Variants in RPS6KC1 observed in about 807,000 individuals in gnomAD.
The protein encoded by RPS6KC1 is ribosomal protein S6 kinase C1.
In RPS6KC1, 54 loss-of-function variants were observed where a neutral mutation model predicts 103.8. That is an observed-to-expected ratio of 0.52 (90% CI 0.42 to 0.65). The LOEUF is 0.65. Among genes scored for constraint, RPS6KC1 ranks in the 30% least tolerant of loss-of-function variants. The pLI is 0.00. For missense variants in RPS6KC1, 1,151 were observed against 1,253.8 expected (o/e 0.92, Z 1.24); for synonymous variants, 439 against 438.7 (o/e 1.00, Z -0.01).
At chr1:213,689,449 A>G in the RPS6KC1 span, among the ~76,000 whole-genome samples, 527 of 152,326 alleles carry the variant, frequency 3.5e-3, 4 homozygotes, top group African/African-American at 0.012. Flanking sequence ...CATATGATCA[A>G]GAGCAATACT....
At chr1:213,833,222 C>G in the RPS6KC1 span, among the ~76,000 whole-genome samples, 1 of 152,200 alleles carries the variant, frequency 6.6e-6, no homozygotes, top group African/African-American at 2.4e-5. Context: ...GGCAACACAG[C>G]AGACCTTCCT....
chr1:213,287,460 T>C, the RPS6KC1 span, among the ~76,000 whole-genome samples: 1 of 152,238 alleles, frequency 6.6e-6, no homozygotes, highest in African/African-American at 2.4e-5. Flanking sequence ...GCCTAGGATG[T>C]AGCAAGTGCC....
chr1:213,246,736 C>A (rs2094460248), intron 12 of RPS6KC1, among the ~76,000 whole-genome samples: 1 of 151,304 alleles, frequency 6.6e-6, no homozygotes, highest in Non-Finnish European at 1.5e-5. Context: ...GAAAATAGAA[C>A]CTGTACTACT....
At chr1:213,333,002 CTCT>C in the RPS6KC1 span, among the ~76,000 whole-genome samples, 2 of 152,164 alleles carry the variant, frequency 1.3e-5, no homozygotes, top group Non-Finnish European at 2.9e-5. Context: ...CTCACCAGGT[CTCT>C]TCTTGTTTGT....
At chr1:213,388,896 A>T in the RPS6KC1 span, among the ~76,000 whole-genome samples, 9 of 152,228 alleles carry the variant, frequency 5.9e-5, no homozygotes, top group African/African-American at 1.7e-4. Context: ...CTTCTTTCAG[A>T]TGAGGCCTGA....
the RPS6KC1 span, among the ~76,000 whole-genome samples, chr1:213,607,785 T>A: frequency 6.6e-6 from 1 of 151,462 alleles, no homozygotes; most frequent in Admixed American, 6.6e-5. Flanking sequence ...AAGTGTTGAG[T>A]GCGTGTTGGG....
the RPS6KC1 span, among the ~76,000 whole-genome samples, chr1:213,347,413 G>A: frequency 6.6e-6 from 1 of 152,180 alleles, no homozygotes; most frequent in East Asian, 1.9e-4. Flanking sequence ...ATATTACAAT[G>A]TATGGATTGG....
the RPS6KC1 span, among the ~76,000 whole-genome samples, chr1:213,621,037 G>A: frequency 6.6e-6 from 1 of 152,144 alleles, no homozygotes; most frequent in Non-Finnish European, 1.5e-5. Flanking sequence ...TCTTCTTTCT[G>A]TGTCCAGTAA....
chr1:213,611,878 C>T, the RPS6KC1 span, among the ~76,000 whole-genome samples: 2 of 152,160 alleles, frequency 1.3e-5, no homozygotes, highest in South Asian at 2.1e-4. Flanking sequence ...GGGAAGGTGG[C>T]CAATGGCATT....
At chr1:213,491,927 C>A in the RPS6KC1 span, among the ~76,000 whole-genome samples, 21 of 152,106 alleles carry the variant, frequency 1.4e-4, no homozygotes, top group African/African-American at 4.8e-4. Context: ...AATGGAAACA[C>A]TATATATAAA....
chr1:213,327,438 A>T, the RPS6KC1 span, among the ~76,000 whole-genome samples: 2 of 152,218 alleles, frequency 1.3e-5, no homozygotes, highest in Non-Finnish European at 2.9e-5. Context: ...GCACTTTGGC[A>T]TGTGCCTCCA....
intron 2 of RPS6KC1, among the ~76,000 whole-genome samples, chr1:213,074,983 C>T (rs1006734698): frequency 4.7e-5 from 7 of 149,396 alleles, no homozygotes; most frequent in African/African-American, 1.7e-4. Flanking sequence ...CTCCCTAGTG[C>T]TGGGACTTCA....
the RPS6KC1 span, among the ~76,000 whole-genome samples, chr1:213,601,382 T>TTA: frequency 2.7e-5 from 4 of 147,616 alleles, no homozygotes; most frequent in African/African-American, 9.8e-5. Flanking sequence ...TTTAAATATA[T>TTA]TATATATTTA....
chr1:213,491,001 T>C, the RPS6KC1 span, among the ~76,000 whole-genome samples: 4 of 152,114 alleles, frequency 2.6e-5, no homozygotes, highest in East Asian at 1.9e-4. Flanking sequence ...TGGAGCAGGA[T>C]TGGTCTTGTT....
chr1:213,779,814 G>C, the RPS6KC1 span, among the ~76,000 whole-genome samples: 7 of 152,222 alleles, frequency 4.6e-5, no homozygotes, highest in Admixed American at 1.3e-4. Context: ...GCTTCTGATG[G>C]GACCAACATG....
chr1:213,832,217 A>T, the RPS6KC1 span, among the ~76,000 whole-genome samples: 1 of 152,084 alleles, frequency 6.6e-6, no homozygotes, highest in African/African-American at 2.4e-5. Context: ...TTTGCCTAAG[A>T]CCTTAACCTT....
the RPS6KC1 span, among the ~76,000 whole-genome samples, chr1:213,673,626 C>A: frequency 2.0e-5 from 3 of 151,858 alleles, no homozygotes; most frequent in South Asian, 6.2e-4. Context: ...AGATATAGGG[C>A]CTCAAAGAGA....
the RPS6KC1 span, among the ~76,000 whole-genome samples, chr1:213,835,498 G>C: frequency 4.6e-5 from 7 of 152,200 alleles, no homozygotes; most frequent in Non-Finnish European, 5.9e-5. Context: ...GGCTGCTGCG[G>C]AAGTCCCCTG....
the RPS6KC1 span, among the ~76,000 whole-genome samples, chr1:213,425,052 G>A: frequency 1.2e-4 from 18 of 151,996 alleles, no homozygotes; most frequent in Non-Finnish European, 1.6e-4. Context: ...CGGAGGAGCC[G>A]CCATGTAGCA....
Sources: allele counts gnomAD v4.1 joint callset (sites outside exome capture counted in the v4.1 genomes callset), GRCh38; gene constraint gnomAD v4.1.1; transcripts MANE v1.5; gene names NCBI Gene and HGNC (gene_info 2026-07-23, HGNC 2026-07-21).